IQSEC1: variants seen among roughly 807,000 people sequenced by gnomAD.
IQSEC1 encodes the protein IQ motif and SEC7 domain-containing protein 1.
IQSEC1 carries 31 observed loss-of-function variants against 91.0 expected under a neutral mutation model. The observed-to-expected ratio is 0.34, with a 90% CI of 0.26 to 0.46. The LOEUF (loss-of-function observed/expected upper bound fraction) is 0.46. Among genes scored for constraint, IQSEC1 ranks in the 20% least tolerant of loss-of-function variants. IQSEC1 has a pLI of 1.00. For missense variants in IQSEC1, 1,388 were observed against 1,575.6 expected, an observed-to-expected ratio of 0.88 and a Z score of 2.02; for synonymous variants, 699 against 662.6, an observed-to-expected ratio of 1.05 and a Z score of -0.84.
Position 12,900,409 on chromosome 3 carries a change from G to C in IQSEC1, c.*574C>G, listed in dbSNP as rs1694115725. The stretch of plus-strand genomic sequence containing the variant: ...TTGTAAGGTGGGTATTGCTAATGTG[G>C]ACTGAAACGCCTGCCTTTCACACAC... On this transcript the variant is annotated 3_prime_UTR_variant, in exon 14 of 14. Transcript: ENST00000613206. 1 of 983,640 alleles carries C rather than the reference G, an allele frequency of 1.0e-6. No individual in the cohort carries two copies. The highest frequency in any genetic ancestry group is 1.2e-6 in the Non-Finnish European group (1 of 829,414). 60.9% of individuals were successfully genotyped at this position (983,640 alleles called of 1,614,324 possible). A position where few individuals can be genotyped will look rare whatever the true frequency, so the allele number is the denominator to read the frequency against.
chr3:13,110,099 C>T (rs748927126), intron 2 of IQSEC1, among the ~76,000 whole-genome samples: 1 of 151,672 alleles, frequency 6.6e-6, no homozygotes, highest in Non-Finnish European at 1.5e-5. Flanking sequence ...CCAGGCTGGT[C>T]TCGAACTCCT....
intron 1 of IQSEC1, among the ~76,000 whole-genome samples, chr3:13,232,314 C>T (rs551831038): frequency 3.3e-5 from 5 of 152,228 alleles, no homozygotes; most frequent in South Asian, 2.1e-4. Flanking sequence ...GGGGCACCAA[C>T]GCCGAGTGGC....
At chr3:13,118,393 A>T (rs1479939942) in intron 2 of IQSEC1, among the ~76,000 whole-genome samples, 1 of 152,242 alleles carries the variant, frequency 6.6e-6, no homozygotes, top group Non-Finnish European at 1.5e-5. Flanking sequence ...ACAGTTGCCA[A>T]ATGGTGAAAA....
At chr3:12,978,730 A>G (rs1471194099) in intron 1 of IQSEC1, among the ~76,000 whole-genome samples, 2 of 152,032 alleles carry the variant, frequency 1.3e-5, no homozygotes, top group Non-Finnish European at 2.9e-5. Flanking sequence ...TAAATAAAAA[A>G]GAATCTTTGC....
intron 1 of IQSEC1, among the ~76,000 whole-genome samples, chr3:13,212,831 C>T (rs931862836): frequency 6.6e-6 from 1 of 152,208 alleles, no homozygotes; most frequent in Non-Finnish European, 1.5e-5. Flanking sequence ...GGACACATGT[C>T]TATTCCAGTC....
chr3:12,937,433 C>T (rs1698300637), intron 2 of IQSEC1, among the ~76,000 whole-genome samples: 1 of 152,226 alleles, frequency 6.6e-6, no homozygotes, highest in African/African-American at 2.4e-5. Flanking sequence ...CATTTCCTTT[C>T]CACAGCATCA....
chr3:13,137,009 T>A (rs1323206515), intron 2 of IQSEC1, among the ~76,000 whole-genome samples: 1 of 152,146 alleles, frequency 6.6e-6, no homozygotes. Flanking sequence ...TAGTGGCACA[T>A]GCCTGTGGTC....
intron 1 of IQSEC1, among the ~76,000 whole-genome samples, chr3:13,009,029 C>A (rs1702756393): frequency 6.6e-6 from 1 of 152,224 alleles, no homozygotes; most frequent in Non-Finnish European, 1.5e-5. Flanking sequence ...CTGAGATCGA[C>A]AGCCCTTTTC....
rs181052207 is a variant in IQSEC1 at position 12,936,963 on chromosome 3, C to T, written c.319-266G>A. Among the ~76,000 whole-genome samples, 1,030 of 150,954 alleles carry T rather than the reference C, an allele frequency of 6.8e-3. 15 individuals are homozygous for T. The highest frequency in any genetic ancestry group is 0.024 in the African/African-American group (995 of 41,060). ...TTTTTTTTTTTTTGAGACAGAATCT[C>T]GCTCTGTCACCTAGGCTGGAGTGCA... On this transcript the variant is annotated intron_variant, in intron 2 of 13. Coordinates refer to ENST00000613206, the MANE Select transcript of IQSEC1 (RefSeq NM_001134382.3).
chr3:13,197,645 A>G (rs1000051637), intron 1 of IQSEC1, among the ~76,000 whole-genome samples: 5 of 152,352 alleles, frequency 3.3e-5, no homozygotes, highest in African/African-American at 1.2e-4. Context: ...CGCATGCAGT[A>G]GTCGCTAGTC....
chr3:13,256,856 T>A (rs895081370), intron 1 of IQSEC1, among the ~76,000 whole-genome samples: 1 of 151,884 alleles, frequency 6.6e-6, no homozygotes, highest in East Asian at 1.9e-4. Context: ...TCACCTACCC[T>A]GGGGAGAGGG....
intron 3 of IQSEC1, among the ~76,000 whole-genome samples, chr3:12,933,408 G>C (rs1481502480): frequency 2.0e-5 from 3 of 152,224 alleles, no homozygotes; most frequent in Non-Finnish European, 4.4e-5. Context: ...CCTGTGTGTA[G>C]AGCCCAGCGA....
At chr3:12,985,495 C>G (rs908587577) in intron 1 of IQSEC1, among the ~76,000 whole-genome samples, 2 of 152,104 alleles carry the variant, frequency 1.3e-5, no homozygotes, top group East Asian at 3.9e-4. Flanking sequence ...AACAATCCCC[C>G]CCCCCCCGCC....
At chr3:13,209,036 C>T (rs980530449) in intron 1 of IQSEC1, among the ~76,000 whole-genome samples, 11 of 152,226 alleles carry the variant, frequency 7.2e-5, no homozygotes, top group Admixed American at 7.2e-4. Context: ...GTGACTCAGA[C>T]CACCGACTGT....
chr3:13,138,165 G>A lies in IQSEC1; in HGVS notation c.302+25939C>T, dbSNP rs151101648. ...CTCCCACAAGTCTTGTCTTCCTCAC[G>A]CCCCGGCTGATGGGCACAGCACTCT... On this transcript the variant is annotated intron_variant, in intron 2 of 15. Coordinates refer to the IQSEC1 transcript ENST00000648114. Among the ~76,000 whole-genome samples the A allele has an allele frequency of 5.3e-4, 80 of 152,296 alleles. 1 individual carries two copies. Among genetic ancestry groups the A allele is most frequent in the African/African-American group, 1.8e-3 (73 of 41,566 alleles).
intron 1 of IQSEC1, among the ~76,000 whole-genome samples, chr3:13,180,954 A>T (rs1383756567): frequency 1.3e-5 from 2 of 152,232 alleles, no homozygotes; most frequent in African/African-American, 4.8e-5. Flanking sequence ...TGAGACCAAG[A>T]ACCCACCAAT....
intron 2 of IQSEC1, among the ~76,000 whole-genome samples, chr3:12,937,536 C>T (rs187046708): frequency 6.6e-5 from 10 of 152,354 alleles, no homozygotes; most frequent in Admixed American, 6.5e-4. Flanking sequence ...GGCCAGGTGC[C>T]TGAGTTCTAA....
intron 1 of IQSEC1, among the ~76,000 whole-genome samples, chr3:13,256,087 G>A (rs1695280654): frequency 6.6e-6 from 1 of 152,152 alleles, no homozygotes; most frequent in African/African-American, 2.4e-5. Context: ...TGGACCCTTG[G>A]CAAGAGTTGC....
intron 1 of IQSEC1, among the ~76,000 whole-genome samples, chr3:13,204,421 A>G (rs529706505): frequency 1.1e-4 from 17 of 152,386 alleles, no homozygotes; most frequent in African/African-American, 3.6e-4. Flanking sequence ...AAGCCTCTTC[A>G]GAGCACTGTC....
Sources: gnomAD v4.1 joint callset for allele counts (sites outside exome capture counted in the v4.1 genomes callset) on GRCh38, gnomAD v4.1.1 for gene constraint, MANE v1.5 for transcripts, NCBI Gene and HGNC (gene_info 2026-07-23, HGNC 2026-07-21) for gene names.